YWHAB: variants seen among roughly 807,000 people sequenced by gnomAD.
YWHAB encodes the protein 14-3-3 protein beta/alpha.
Under a neutral mutation model 28.5 loss-of-function variants are expected in YWHAB, and 2 were observed. That is an observed-to-expected ratio of 0.07 (90% CI 0.03 to 0.22). The LOEUF (loss-of-function observed/expected upper bound fraction) is 0.22, where lower values mean the gene tolerates loss of function less well. Ranked by LOEUF, YWHAB falls within the 10% of genes least tolerant of loss-of-function variation. YWHAB has a pLI of 1.00. For synonymous variants in YWHAB, 103 were observed against 104.7 expected, an observed-to-expected ratio of 0.98 and a Z score of 0.10; for missense variants, 148 against 297.1, an observed-to-expected ratio of 0.50 and a Z score of 3.69.
intron 4 of YWHAB, chr20:44,905,722 C>A (rs376848259): frequency 3.5e-6 from 1 of 284,738 alleles, no homozygotes; most frequent in Non-Finnish European, 6.5e-6. Flanking sequence ...AAATCACACG[C>A]GTTTGCCCAG....
In YWHAB at chr20:44,895,555, GCCT is replaced by G. The variant is rs968899141; in HGVS notation, c.-3-5972_-3-5970del. 2.6e-4 allele frequency among the ~76,000 whole-genome samples: 39 copies of G among 152,298 alleles called. No individual in the cohort carries two copies. In the East Asian group the frequency reaches 5.0e-3, roughly 20 times the overall value. ...GCAGTCATGGCTCAGTGCATCCCTG[GCCT>G]CCTAGCCTCAAGCGATTCTCCCATC... On this transcript the variant is annotated intron_variant, in intron 1 of 5. Transcript: ENST00000353703.
intron 1 of YWHAB, among the ~76,000 whole-genome samples, chr20:44,895,540 C>G (rs1312006544): frequency 6.6e-6 from 1 of 152,178 alleles, no homozygotes; most frequent in African/African-American, 2.4e-5. Context: ...GCAGTCATGG[C>G]TCAGTGCATC....
In YWHAB at chr20:44,901,767, G is replaced by C. The variant is rs759933159; in HGVS notation, c.234G>C (p.Gln78His). 6.2e-7 allele frequency: 1 copy of C among 1,613,416 alleles called. No homozygotes were observed. Among genetic ancestry groups the C allele is most frequent in the Admixed American group, 1.7e-5 (1 of 59,994 alleles). ...EQKTERNEKK[Q>H]QMGKEYREKI... is the part of the protein sequence containing the mutation. ...AAACAGAGAGGAATGAGAAGAAGCA[G>C]CAGATGGGCAAAGAGTACCGTGAGA... The change falls in exon 2 of 6, where the codon CAG (glutamine) becomes CAC (histidine). Residue 78 changes from glutamine (Q) to histidine (H), a missense_variant. Transcript: ENST00000353703.
At chr20:44,904,562 A>C (rs73294348) in intron 3 of YWHAB, among the ~76,000 whole-genome samples, 1 of 151,918 alleles carries the variant, frequency 6.6e-6, no homozygotes, top group Non-Finnish European at 1.5e-5. Context: ...CAGGCTGCCC[A>C]TTTTTCATAT....
intron 1 of YWHAB, chr20:44,886,476 G>A (rs1370375838): frequency 6.6e-6 from 1 of 152,204 alleles, no homozygotes; most frequent in Non-Finnish European, 1.5e-5. Flanking sequence ...GATTCCCTAG[G>A]AAGGGAATTG....
chr20:44,892,279 A>G (rs2145526275), intron 1 of YWHAB, among the ~76,000 whole-genome samples: 1 of 152,072 alleles, frequency 6.6e-6, no homozygotes, highest in Non-Finnish European at 1.5e-5. Flanking sequence ...TTTGATTTTT[A>G]TCTCATCTAG....
Position 44,906,623 on chromosome 20 carries a change from T to A in YWHAB, c.*185T>A, listed in dbSNP as rs140521407. ...TGGTATTTGTATCTAAAACTCAGAT[T>A]GGTCACATAAATGCCACGGCATTCC... On this transcript the variant is annotated 3_prime_UTR_variant, in exon 6 of 6. Transcript: ENST00000353703. 517 of 438,904 alleles carry A rather than the reference T, an allele frequency of 1.2e-3. 2 individuals carry two copies. The East Asian group carries it at 0.016, about 14-fold the overall frequency. The allele number at this position is 438,904 out of a possible 1,614,324, so 27.2% of individuals were successfully genotyped here. A position where few individuals can be genotyped will look rare whatever the true frequency, so the allele number is the denominator to read the frequency against.
In YWHAB at chr20:44,906,745, C is replaced by G. The variant is rs765432467; in HGVS notation, c.*307C>G. 1 of 198,684 alleles carries G rather than the reference C, an allele frequency of 5.0e-6. No homozygotes were observed. Among genetic ancestry groups the G allele is most frequent in the Non-Finnish European group, 1.0e-5 (1 of 95,952 alleles). 12.3% of individuals were successfully genotyped at this position (198,684 alleles called of 1,614,324 possible). ...TATGGGGTTTTGTAATTTAGCAGAACTCTTACTGGTAGAAAAAATAGACCT... is the reference window on the plus strand; with the variant it reads ...TATGGGGTTTTGTAATTTAGCAGAAGTCTTACTGGTAGAAAAAATAGACCT... On this transcript the variant is annotated 3_prime_UTR_variant, in exon 6 of 6. Coordinates refer to ENST00000353703, the MANE Select transcript of YWHAB (RefSeq NM_139323.4).
chr20:44,887,367 C>T (rs2066534685), intron 1 of YWHAB: 1 of 152,148 alleles, frequency 6.6e-6, no homozygotes, highest in Non-Finnish European at 1.5e-5. Flanking sequence ...GATAAGAAAC[C>T]ATTCACCTAT....
intron 1 of YWHAB, among the ~76,000 whole-genome samples, chr20:44,889,705 T>C (rs2066549454): frequency 6.6e-6 from 1 of 152,222 alleles, no homozygotes; most frequent in Admixed American, 6.5e-5. Context: ...GTCTTTGGCA[T>C]GTTTTTATGC....
At chr20:44,896,512 G>A (rs2066596838) in intron 1 of YWHAB, among the ~76,000 whole-genome samples, 1 of 152,258 alleles carries the variant, frequency 6.6e-6, no homozygotes, top group South Asian at 2.1e-4. Context: ...GGCATGATGT[G>A]GGGGTCTGGA....
intron 1 of YWHAB, among the ~76,000 whole-genome samples, chr20:44,892,142 G>GT (rs1465320184): frequency 3.3e-5 from 5 of 152,282 alleles, no homozygotes; most frequent in African/African-American, 1.2e-4. Context: ...ATCTGGAATG[G>GT]TACATCTGTG....
chr20:44,902,414 GAAT>G (rs2066632699), intron 2 of YWHAB: 1 of 152,318 alleles, frequency 6.6e-6, no homozygotes, highest in Non-Finnish European at 1.5e-5. Context: ...ACTTGGGATT[GAAT>G]GGGAGGGGTA....
intron 2 of YWHAB, chr20:44,902,044 C>G (rs181551151): frequency 1.1e-3 from 515 of 478,514 alleles, no homozygotes; most frequent in Non-Finnish European, 1.1e-3. Context: ...GAGATACTTT[C>G]CTCTCCTATC....
In YWHAB at chr20:44,904,058, A is replaced by G; in HGVS notation, c.366A>G (p.Lys122=). ...TQPESKVFYL[K]MKGDYFRYLS... is the part of the protein sequence containing the mutation. ...CAGAAAGTAAGGTGTTCTACTTGAA[A>G]ATGAAAGGAGATTATTTTAGGTATC... Residue 122 remains lysine, a synonymous_variant, in exon 3 of 6, where the codon AAA becomes AAG. Coordinates refer to ENST00000353703, the MANE Select transcript of YWHAB (RefSeq NM_139323.4). 1 of 1,607,768 alleles carries G rather than the reference A, an allele frequency of 6.2e-7. No individual in the cohort carries two copies. The highest frequency in any genetic ancestry group is 8.5e-7 in the Non-Finnish European group (1 of 1,178,536).
chr20:44,888,994 C>T (rs1035711723), intron 1 of YWHAB, among the ~76,000 whole-genome samples: 8 of 152,124 alleles, frequency 5.3e-5, no homozygotes, highest in Non-Finnish European at 1.0e-4. Context: ...CCTGCTCTTT[C>T]GGTGTCAACA....
chr20:44,891,124 G>GT (rs530951806), intron 1 of YWHAB, among the ~76,000 whole-genome samples: 100 of 147,646 alleles, frequency 6.8e-4, no homozygotes, highest in South Asian at 1.7e-3. Context: ...ATTTGCCTAT[G>GT]TTTTTTTTTT....
At chr20:44,890,442 A>C (rs1158503964) in intron 1 of YWHAB, among the ~76,000 whole-genome samples, 2 of 150,970 alleles carry the variant, frequency 1.3e-5, no homozygotes, top group Non-Finnish European at 2.9e-5. Context: ...GCAGTCACTC[A>C]GTGTGCTAGG....
chr20:44,896,678 GTGAC>G (rs2066597894), intron 1 of YWHAB, among the ~76,000 whole-genome samples: 1 of 152,236 alleles, frequency 6.6e-6, no homozygotes, highest in Non-Finnish European at 1.5e-5. Context: ...TAGATAATGA[GTGAC>G]TGAAAGCATT....
Sources: gnomAD v4.1 joint callset for allele counts (sites outside exome capture counted in the v4.1 genomes callset) on GRCh38, gnomAD v4.1.1 for gene constraint, MANE v1.5 for transcripts, NCBI Gene and HGNC (gene_info 2026-07-23, HGNC 2026-07-21) for gene names.